STS: variants seen among roughly 807,000 people sequenced by gnomAD.
STS encodes steryl-sulfatase.
A neutral mutation model predicts 26.8 loss-of-function variants in STS; 7 were observed. The observed-to-expected ratio is 0.26, with a 90% CI of 0.15 to 0.49. STS has a LOEUF of 0.49. Among genes scored for constraint, STS ranks in the 20% least tolerant of loss-of-function variants. STS has a pLI of 0.98. For missense variants in STS, 434 were observed against 465.6 expected (o/e 0.93, Z 0.63); for synonymous variants, 199 against 189.4 (o/e 1.05, Z -0.42).
chrX:7,334,450 C>T (rs979549333), intron 10 of STS, among the ~76,000 whole-genome samples: 11 of 111,790 alleles, frequency 9.8e-5, no homozygotes, highest in African/African-American at 3.6e-4. Flanking sequence ...CTTCCTAGCA[C>T]TCCTCTCACA....
intron 1 of STS, among the ~76,000 whole-genome samples, chrX:7,165,885 C>G (rs1237005905): frequency 4.5e-5 from 5 of 111,423 alleles, no homozygotes. Context: ...TCAAATTGGG[C>G]CCTGGCAAGA....
At chrX:7,322,526 A>G (rs1469091460) in intron 8 of STS, among the ~76,000 whole-genome samples, 11 of 111,213 alleles carry the variant, frequency 9.9e-5, no homozygotes, top group Non-Finnish European at 2.1e-4. Context: ...TCATCCTCCC[A>G]AGTAGCTGGG....
chrX:7,299,978 T>TGTAGCTCAGTGCCTGACTCTTAATA (rs1925886324), intron 7 of STS, among the ~76,000 whole-genome samples: 2 of 111,899 alleles, frequency 1.8e-5, no homozygotes, highest in Non-Finnish European at 3.8e-5. Context: ...CTCTGCACTT[T>TGTAGCTCAGTGCCTGACTCTTAATA]GTAGCTCAGT....
chrX:7,318,257 G>A (rs867574335), intron 8 of STS, among the ~76,000 whole-genome samples: 10 of 111,558 alleles, frequency 9.0e-5, no homozygotes, highest in South Asian at 3.8e-4. Context: ...AACTCTGCTC[G>A]ATGATAATGT....
chrX:7,304,917 G>C (rs1249504364), intron 7 of STS, 129 bp from the exon 8 acceptor site: 1 of 791,539 alleles, frequency 1.3e-6, no homozygotes, highest in African/African-American at 2.0e-5. Flanking sequence ...TCTCATGCTG[G>C]GATAAACTCC....
intron 8 of STS, among the ~76,000 whole-genome samples, chrX:7,317,814 G>T (rs930619210): frequency 9.0e-6 from 1 of 110,819 alleles, no homozygotes; most frequent in Admixed American, 9.7e-5. Flanking sequence ...ATTTCTGTAG[G>T]GCAAGGTCCC....
At chrX:7,292,184 G>A (rs767592048) in intron 7 of STS, among the ~76,000 whole-genome samples, 1 of 112,837 alleles carries the variant, frequency 8.9e-6, no homozygotes, top group South Asian at 3.6e-4. Context: ...CAATTTATTT[G>A]GAAACAGAGA....
intron 2 of STS, among the ~76,000 whole-genome samples, chrX:7,223,124 C>T (rs1363771110): frequency 9.0e-6 from 1 of 111,627 alleles, no homozygotes; most frequent in South Asian, 3.7e-4. Context: ...TATATATATA[C>T]CACTTTTTTT....
chrX:7,349,836 A>G, intron 10 of STS, 52 bp from the exon 11 acceptor site: 1 of 1,206,128 alleles, frequency 8.3e-7, no homozygotes, highest in East Asian at 3.0e-5. Context: ...CATTTGTGGT[A>G]CATACAAGGA....
chrX:7,196,991 C>T (rs1192588475), intron 2 of STS, among the ~76,000 whole-genome samples: 3 of 110,995 alleles, frequency 2.7e-5, no homozygotes, highest in African/African-American at 9.9e-5. Context: ...CATTGTCTGC[C>T]TCCTACCTTT....
chrX:7,304,860 G>C (rs73627544), intron 7 of STS, among the ~76,000 whole-genome samples, 186 bp from the exon 8 acceptor site: 92 of 111,753 alleles, frequency 8.2e-4, no homozygotes, highest in African/African-American at 2.9e-3. Context: ...ATGAATCTTG[G>C]TGTCTATTCT....
intron 10 of STS, among the ~76,000 whole-genome samples, chrX:7,337,601 A>C (rs1203117863): frequency 8.9e-6 from 1 of 112,475 alleles, no homozygotes; most frequent in Non-Finnish European, 1.9e-5. Flanking sequence ...ATTAGAAAAT[A>C]GAAAAAAAGA....
upstream of STS, among the ~76,000 whole-genome samples, chrX:7,147,689 G>A (rs1224901578): frequency 8.9e-6 from 1 of 112,093 alleles, no homozygotes; most frequent in Non-Finnish European, 1.9e-5. Flanking sequence ...CGAAAAGAGA[G>A]CGCGGAGGTC....
intron 1 of STS, among the ~76,000 whole-genome samples, chrX:7,158,132 C>T (rs1933171744): frequency 1.8e-5 from 2 of 111,099 alleles, no homozygotes; most frequent in South Asian, 7.7e-4. Context: ...AGCCTCAGTC[C>T]AATGTTGAGG....
At chrX:7,321,560 CT>C (rs1164236747) in intron 8 of STS, among the ~76,000 whole-genome samples, 1 of 112,226 alleles carries the variant, frequency 8.9e-6, no homozygotes, top group East Asian at 2.8e-4. Context: ...AAGAGATGAG[CT>C]TTTAACAATG....
chrX:7,168,181 A>G (rs1451258507), intron 1 of STS, among the ~76,000 whole-genome samples: 1 of 111,300 alleles, frequency 9.0e-6, no homozygotes, highest in Admixed American at 9.6e-5. Context: ...AGGGGCTGGA[A>G]ACCCAGAAGG....
intron 7 of STS, among the ~76,000 whole-genome samples, chrX:7,281,361 G>A (rs1924851614): frequency 9.0e-6 from 1 of 111,525 alleles, no homozygotes; most frequent in Non-Finnish European, 1.9e-5. Flanking sequence ...TCCCCTGTTG[G>A]CTGAGCATGA....
chrX:7,189,273 TAAAAG>T (rs1933829927), intron 1 of STS, among the ~76,000 whole-genome samples: 1 of 112,064 alleles, frequency 8.9e-6, no homozygotes, highest in Admixed American at 9.5e-5. Context: ...GTCAACAAGT[TAAAAG>T]AAAAGTCTTC....
intron 8 of STS, among the ~76,000 whole-genome samples, chrX:7,324,712 A>G (rs368887714): frequency 1.3e-4 from 14 of 111,410 alleles, no homozygotes; most frequent in African/African-American, 3.9e-4. Flanking sequence ...TGTTTCCATC[A>G]TGGACTGAAC....
Sources: gnomAD v4.1 joint callset for allele counts (sites outside exome capture counted in the v4.1 genomes callset) on GRCh38, gnomAD v4.1.1 for gene constraint, MANE v1.5 for transcripts, NCBI Gene and HGNC (gene_info 2026-07-23, HGNC 2026-07-21) for gene names.